The following AUTS2 variants were observed in gnomAD, a reference collection of about 807,000 sequenced individuals.
AUTS2 encodes autism susceptibility gene 2 protein.
A neutral mutation model predicts 112.4 loss-of-function variants in AUTS2; 17 were observed. That is an observed-to-expected ratio of 0.15 (90% CI 0.10 to 0.23). The LOEUF (loss-of-function observed/expected upper bound fraction) is 0.23. Ranked by LOEUF, AUTS2 falls within the 10% of genes least tolerant of loss-of-function variation. The pLI is 1.00. For missense variants in AUTS2, 1,510 were observed against 1,701.6 expected (o/e 0.89, Z 1.98); for synonymous variants, 751 against 702.7 (o/e 1.07, Z -1.09).
intron 1 of AUTS2, among the ~76,000 whole-genome samples, chr7:69,804,742 G>A (rs1356622193): frequency 6.6e-6 from 1 of 152,200 alleles, no homozygotes; most frequent in African/African-American, 2.4e-5. Context: ...GTCTCGATTT[G>A]TAGCATCTCT....
chr7:70,290,985 T>C (rs560685488), intron 4 of AUTS2: 1 of 152,932 alleles, frequency 6.5e-6, no homozygotes, highest in Admixed American at 6.5e-5. Context: ...TCACAGGGTA[T>C]ATTTGTTCTG....
rs184286089 is a variant in AUTS2, at chr7:70,625,167, T to A, written c.691-73402T>A. Among the ~76,000 whole-genome samples, 3 of 152,286 alleles carry A rather than the reference T, an allele frequency of 2.0e-5. No individual in the cohort carries two copies. In the East Asian group the frequency reaches 5.8e-4, roughly 29 times the overall value. On this transcript the variant is annotated intron_variant, in intron 5 of 18. Transcript: ENST00000342771. Reference sequence around the variant, plus strand: ...TTAAGAACATTGATGCATAATGAATTAGAGATTCTCTTGTAGTACATTTTA... The same window carrying A: ...TTAAGAACATTGATGCATAATGAATAAGAGATTCTCTTGTAGTACATTTTA...
chr7:70,338,833 C>CTTTATTTATTTATTTAT (rs71077651), intron 4 of AUTS2, among the ~76,000 whole-genome samples: 6 of 141,012 alleles, frequency 4.3e-5, no homozygotes, highest in East Asian at 2.1e-4. Flanking sequence ...AGCCTCATCT[C>CTTTATTTATTTATTTAT]TTATTTATTT....
intron 4 of AUTS2, among the ~76,000 whole-genome samples, chr7:70,394,127 C>G (rs1279136392): frequency 7.1e-6 from 1 of 140,818 alleles, no homozygotes; most frequent in South Asian, 2.3e-4. Context: ...GTCATAGATG[C>G]ATGTGTTATG....
At chr7:69,893,414 A>G (rs1233550811) in intron 1 of AUTS2, among the ~76,000 whole-genome samples, 1 of 152,212 alleles carries the variant, frequency 6.6e-6, no homozygotes, top group East Asian at 1.9e-4. Context: ...ACCATTCAAA[A>G]ACAAGTACAA....
At chr7:70,158,056 T>A (rs1020287430) in intron 4 of AUTS2, among the ~76,000 whole-genome samples, 1 of 151,680 alleles carries the variant, frequency 6.6e-6, no homozygotes, top group Non-Finnish European at 1.5e-5. Flanking sequence ...GGGGAGGAGG[T>A]TGCATTCCAT....
At chr7:70,489,884 G>C (rs549021719) in intron 5 of AUTS2, among the ~76,000 whole-genome samples, 21 of 152,128 alleles carry the variant, frequency 1.4e-4, no homozygotes, top group Non-Finnish European at 2.5e-4. Context: ...CAAATATTTA[G>C]AAATTAAACA....
chr7:70,338,215 A>T (rs1196362790), intron 4 of AUTS2, among the ~76,000 whole-genome samples: 1 of 152,226 alleles, frequency 6.6e-6, no homozygotes, highest in Non-Finnish European at 1.5e-5. Flanking sequence ...GGAAAGAAGT[A>T]ATTTCAATGT....
At chr7:70,310,316 A>G (rs1378927484) in intron 4 of AUTS2, among the ~76,000 whole-genome samples, 1 of 152,142 alleles carries the variant, frequency 6.6e-6, no homozygotes, top group Non-Finnish European at 1.5e-5. Flanking sequence ...TCACTAAGAA[A>G]TAAGTCAGCT....
At chr7:70,209,064 C>G (rs960753071) in intron 4 of AUTS2, among the ~76,000 whole-genome samples, 1 of 151,958 alleles carries the variant, frequency 6.6e-6, no homozygotes, top group Non-Finnish European at 1.5e-5. Flanking sequence ...AATATGCTCC[C>G]AAGTGTAGAA....
chr7:69,687,146 CA>C (rs1452525158), intron 1 of AUTS2, among the ~76,000 whole-genome samples: 3 of 152,094 alleles, frequency 2.0e-5, no homozygotes, highest in Non-Finnish European at 4.4e-5. Flanking sequence ...AGGACAGAAA[CA>C]AATGCTGTAA....
intron 6 of AUTS2, among the ~76,000 whole-genome samples, chr7:70,701,429 G>A (rs1809452758): frequency 6.6e-6 from 1 of 152,214 alleles, no homozygotes; most frequent in Non-Finnish European, 1.5e-5. Flanking sequence ...AACATCTCTG[G>A]TGGGGATAAA....
At chr7:70,311,564 T>G (rs1175405057) in intron 4 of AUTS2, among the ~76,000 whole-genome samples, 4 of 152,214 alleles carry the variant, frequency 2.6e-5, no homozygotes, top group Non-Finnish European at 5.9e-5. Context: ...TGTTTTGTTT[T>G]GTTTTGTTTT....
At chr7:70,573,983 G>T (rs4718964) in intron 5 of AUTS2, among the ~76,000 whole-genome samples, 58,565 of 151,930 alleles carry the variant, frequency 0.39, 12,089 homozygotes, top group East Asian at 0.68. Context: ...CCATGAAGGT[G>T]TATGTCTGTG....
At chr7:70,027,832 T>G (rs1400949803) in intron 2 of AUTS2, among the ~76,000 whole-genome samples, 1 of 152,202 alleles carries the variant, frequency 6.6e-6, no homozygotes, top group African/African-American at 2.4e-5. Context: ...TGTGTTCTCT[T>G]CTGGCTTGTT....
intron 2 of AUTS2, among the ~76,000 whole-genome samples, chr7:69,929,071 A>G (rs1796136376): frequency 6.6e-6 from 1 of 152,168 alleles, no homozygotes; most frequent in South Asian, 2.1e-4. Context: ...TGATGATGAA[A>G]TCATTCAGCT....
chr7:70,410,015 A>G (rs1034258923), intron 4 of AUTS2, among the ~76,000 whole-genome samples: 1 of 152,260 alleles, frequency 6.6e-6, no homozygotes, highest in African/African-American at 2.4e-5. Context: ...AGAAGTTAGC[A>G]GTAGGAAGCA....
At chr7:69,918,705 T>A (rs1401209196) in intron 2 of AUTS2, among the ~76,000 whole-genome samples, 1 of 152,186 alleles carries the variant, frequency 6.6e-6, no homozygotes, top group African/African-American at 2.4e-5. Context: ...ACCACAGTAT[T>A]ATAGTTCCCC....
intron 14 of AUTS2, among the ~76,000 whole-genome samples, chr7:70,778,056 G>C (rs533587972): frequency 1.4e-4 from 21 of 152,256 alleles, no homozygotes; most frequent in Non-Finnish European, 1.8e-4. Context: ...TAGTTACCTC[G>C]CTGTCCAAAG....
Sources: allele counts gnomAD v4.1 joint callset (sites outside exome capture counted in the v4.1 genomes callset), GRCh38; gene constraint gnomAD v4.1.1; transcripts MANE v1.5; gene names NCBI Gene and HGNC (gene_info 2026-07-23, HGNC 2026-07-21).